The following SLC12A1 variants were observed in gnomAD, a reference collection of about 807,000 sequenced individuals.
The protein encoded by SLC12A1 is Na-K-2Cl cotransporter.
In SLC12A1, 89 loss-of-function variants were observed where a neutral mutation model predicts 130.4. That is an observed-to-expected ratio of 0.68 (90% CI 0.58 to 0.81). SLC12A1 has a LOEUF of 0.81. SLC12A1 is among the 40% of genes least tolerant of loss of function. The pLI is 0.00. For synonymous variants in SLC12A1, 499 were observed against 460.0 expected, an observed-to-expected ratio of 1.08 and a Z score of -1.09; for missense variants, 1,310 against 1,336.4, an observed-to-expected ratio of 0.98 and a Z score of 0.31.
At chr15:48,215,534 G>A (rs2041110983) in intron 2 of SLC12A1, among the ~76,000 whole-genome samples, 1 of 152,134 alleles carries the variant, frequency 6.6e-6, no homozygotes, top group African/African-American at 2.4e-5. Context: ...CTGGTTTCAG[G>A]CAGTAATCAT....
At chr15:48,294,166 C>G (rs1347531651) in intron 24 of SLC12A1, among the ~76,000 whole-genome samples, 1 of 151,584 alleles carries the variant, frequency 6.6e-6, no homozygotes, top group Non-Finnish European at 1.5e-5. Context: ...CTGACCAACA[C>G]GGTGAAACCC....
intron 1 of SLC12A1, among the ~76,000 whole-genome samples, 181 bp downstream of exon 1, chr15:48,206,511 GT>G (rs1158795048): frequency 6.6e-6 from 1 of 152,142 alleles, no homozygotes. Flanking sequence ...GAAGTTGAGG[GT>G]TTTTTTAATT....
chr15:48,241,720 C>A (rs1183621369), intron 10 of SLC12A1, 121 bp downstream of exon 10: 6 of 720,616 alleles, frequency 8.3e-6, no homozygotes, highest in South Asian at 1.6e-5. Context: ...ATTTTAATTC[C>A]GTTCTTGGTA....
intron 2 of SLC12A1, among the ~76,000 whole-genome samples, chr15:48,215,574 C>T (rs1166013697): frequency 6.6e-6 from 1 of 152,136 alleles, no homozygotes; most frequent in Non-Finnish European, 1.5e-5. Flanking sequence ...ACTTTGGCCT[C>T]AAGAACATGA....
intron 20 of SLC12A1, among the ~76,000 whole-genome samples, chr15:48,277,111 G>A (rs2041961487): frequency 6.6e-6 from 1 of 152,124 alleles, no homozygotes; most frequent in Non-Finnish European, 1.5e-5. Context: ...CAAGAGGAAT[G>A]AGATTGAGCA....
At chr15:48,222,109 G>T (rs541015459) in intron 4 of SLC12A1, among the ~76,000 whole-genome samples, 1 of 152,152 alleles carries the variant, frequency 6.6e-6, no homozygotes, top group Admixed American at 6.5e-5. Flanking sequence ...GCTCACAGCC[G>T]CAGGGTCCAA....
intron 2 of SLC12A1, among the ~76,000 whole-genome samples, chr15:48,208,532 C>T (rs920493532): frequency 2.0e-5 from 3 of 152,076 alleles, no homozygotes; most frequent in Non-Finnish European, 2.9e-5. Flanking sequence ...AAGCTGGTCT[C>T]GAACTCCTGA....
chr15:48,291,069 GT>G (rs1278877913), intron 23 of SLC12A1, among the ~76,000 whole-genome samples: 1 of 151,728 alleles, frequency 6.6e-6, no homozygotes, highest in Non-Finnish European at 1.5e-5. Flanking sequence ...GAGTAGATAG[GT>G]AGATAGAGAT....
chr15:48,299,121 T>C lies in SLC12A1; in HGVS notation c.2961-19T>C, dbSNP rs753321541. 11 of 1,595,722 alleles carry C rather than the reference T, an allele frequency of 6.9e-6. No homozygotes were observed. The African/African-American group carries it at 1.4e-4, about 20-fold the overall frequency. On this transcript the variant is annotated intron_variant, in intron 24 of 26. Transcript: ENST00000380993. ...GTTAGTTTCCCACTGTGAGGCCTCCTTTATAATTCAAATTTTAGCTGGAAA... is the reference window on the plus strand; with the variant it reads ...GTTAGTTTCCCACTGTGAGGCCTCCCTTATAATTCAAATTTTAGCTGGAAA...
At position 48,247,365 on chromosome 15, in the gene SLC12A1, C is replaced by T; in HGVS notation, c.1589C>T (p.Ala530Val). ...QALCKDNIYK[A>V]LQFFAKGYGK... ...CTGTGCAAGGACAACATCTACAAAG[C>T]CCTGCAGTTTTTTGCAAAGGGATAT... Residue 530 changes from alanine to valine, a missense_variant, in exon 13 of 27, where the codon GCC becomes GTC. Ala to Val is a moderately conservative substitution (Grantham distance 64). Coordinates refer to ENST00000380993, the MANE Select transcript of SLC12A1 (RefSeq NM_000338.3). 6.2e-7 allele frequency: 1 copy of T among 1,613,506 alleles called. No individual in the cohort carries two copies. The highest frequency in any genetic ancestry group is 8.5e-7 in the Non-Finnish European group (1 of 1,179,676).
chr15:48,220,975 AT>A lies in SLC12A1; in HGVS notation c.609del (p.Ile203MetfsTer13). Reference protein sequence around the residue: ...GVMLFIRLSWIVGEAGIGLGV... With the variant: ...GVMLFIRLSWXVGEAGIGLGV... ...CATGCTCTTCATTCGCCTCTCCTGG[AT>A]TGTTGGAGAAGCTGGAATTGGTAAG... On this transcript the variant is annotated frameshift_variant, in exon 4 of 27. Transcript: ENST00000380993. LOFTEE classifies it high-confidence loss of function. The A allele has an allele frequency of 1.9e-6, 3 of 1,613,972 alleles. No homozygotes were observed. Among genetic ancestry groups the A allele is most frequent in the Non-Finnish European group, 2.5e-6 (3 of 1,179,878 alleles).
At chr15:48,229,376 T>C in intron 6 of SLC12A1, 48 bp downstream of exon 6, 1 of 1,544,492 alleles carries the variant, frequency 6.5e-7, no homozygotes, top group South Asian at 1.2e-5. Flanking sequence ...TAATTTAGTT[T>C]AGTTTGCCTT....
At chr15:48,216,670 T>A (rs1237093395) in intron 2 of SLC12A1, among the ~76,000 whole-genome samples, 5 of 152,194 alleles carry the variant, frequency 3.3e-5, no homozygotes, top group African/African-American at 7.2e-5. Context: ...CAATTTTTTT[T>A]AAAGTTTTTC....
chr15:48,235,744 C>G (rs1390605878), intron 9 of SLC12A1, among the ~76,000 whole-genome samples: 2 of 151,992 alleles, frequency 1.3e-5, no homozygotes, highest in Non-Finnish European at 1.5e-5. Flanking sequence ...TCCCGTAGGC[C>G]ATCCAGTGGA....
rs1401415445 is a variant in SLC12A1 at position 48,229,195 on chromosome 15, C to A, written c.731C>A (p.Ala244Asp). Residue 244 changes from alanine (A) to aspartate (D), a missense_variant, in exon 6 of 27, where the codon GCC becomes GAC. Ala to Asp is a moderately radical substitution (Grantham distance 126). Coordinates refer to ENST00000380993, the MANE Select transcript of SLC12A1 (RefSeq NM_000338.3). Reference protein sequence around the residue: ...ATNGFVRGGGAYYLISRSLGP... With the variant: ...ATNGFVRGGGDYYLISRSLGP... ...TGTTCATTTCTTGTTTCAGGTGGGG[C>A]CTACTATCTTATTTCCAGAAGTTTA... is the stretch of plus-strand genomic sequence containing the variant. The A allele has an allele frequency of 1.3e-6, 2 of 1,586,976 alleles. No individual in the cohort carries two copies. Among genetic ancestry groups the A allele is most frequent in the East Asian group, 2.3e-5 (1 of 44,064 alleles).
Position 48,269,683 on chromosome 15 carries a change from C to A in SLC12A1, c.2321C>A (p.Pro774Gln). The A allele has an allele frequency of 1.2e-6, 2 of 1,611,240 alleles. No individual in the cohort carries two copies. Among genetic ancestry groups the A allele is most frequent in the Non-Finnish European group, 1.7e-6 (2 of 1,177,936 alleles). The change falls in exon 19 of 27, where the codon CCA becomes CAA. Residue 774 changes from proline to glutamine, a missense_variant. Pro to Gln is a moderately conservative substitution (Grantham distance 76). Transcript: ENST00000380993. Reference sequence around the variant, plus strand: ...GCCTCAGGCTTAGGAAGAATGAAACCAAACACTCTGGTGATTGGATATAAG... The same window carrying A: ...GCCTCAGGCTTAGGAAGAATGAAACAAAACACTCTGGTGATTGGATATAAG... ...LQASGLGRMK[P>Q]NTLVIGYKKN...
At position 48,235,003 on chromosome 15, in the gene SLC12A1, A is replaced by T. The variant is rs764404043; in HGVS notation, c.1214A>T (p.Glu405Val). ...GGTGCCAATATCTCAGGAGATTTGGAGGTACGTTGTTTGCTCTGCTTTGCA... is the reference window on the plus strand; with the variant it reads ...GGTGCCAATATCTCAGGAGATTTGGTGGTACGTTGTTTGCTCTGCTTTGCA... ...LAGANISGDLEDPQDAIPRGT... is the reference protein window; with the variant it reads ...LAGANISGDLVDPQDAIPRGT... Residue 405 changes from glutamate (E) to valine (V), a missense_variant and splice_region_variant, in exon 9 of 27, where the codon GAG becomes GTG. By Grantham distance (121) the Glu-to-Val change is moderately radical. Transcript: ENST00000380993. The T allele has an allele frequency of 6.2e-7, 1 of 1,613,616 alleles. No individual in the cohort carries two copies. The highest frequency in any genetic ancestry group is 1.3e-5 in the African/African-American group (1 of 74,954).
intron 4 of SLC12A1, chr15:48,222,247 A>G (rs536760103): frequency 7.2e-5 from 11 of 152,284 alleles, no homozygotes; most frequent in African/African-American, 2.6e-4. Flanking sequence ...AAGAAACATT[A>G]CTTTGTTTGG....
intron 20 of SLC12A1, among the ~76,000 whole-genome samples, chr15:48,279,776 T>G (rs775451190): frequency 6.6e-6 from 1 of 152,228 alleles, no homozygotes. Flanking sequence ...AAGTACAGCA[T>G]GATTTGTGAA....
Sources: allele counts gnomAD v4.1 joint callset (sites outside exome capture counted in the v4.1 genomes callset), GRCh38; gene constraint gnomAD v4.1.1; transcripts MANE v1.5; gene names NCBI Gene and HGNC (gene_info 2026-07-23, HGNC 2026-07-21).